The following PPARD variants were observed in gnomAD, a reference collection of about 807,000 sequenced individuals.
PPARD encodes peroxisome proliferator-activated receptor delta.
A neutral mutation model predicts 39.5 loss-of-function variants in PPARD; 6 were observed. The ratio of observed to expected loss-of-function variants is 0.15; its 90% CI spans 0.08 to 0.30. PPARD has a LOEUF of 0.30. PPARD is among the 10% of genes least tolerant of loss of function. The pLI is 1.00. For missense variants in PPARD, 397 were observed against 596.8 expected, an observed-to-expected ratio of 0.67 and a Z score of 3.49; for synonymous variants, 210 against 231.3, an observed-to-expected ratio of 0.91 and a Z score of 0.83.
At chr6:35,410,904 A>T (rs911871679) in intron 2 of PPARD, 83 bp from the exon 3 acceptor site, 6 of 1,247,078 alleles carry the variant, frequency 4.8e-6, no homozygotes, top group Non-Finnish European at 6.0e-6. Flanking sequence ...CCATGACAGC[A>T]GCCCCCAAGC....
Position 35,420,819 on chromosome 6 carries a change from C to CTTTTTTTT in PPARD, c.285+556_285+563dup, listed in dbSNP as rs35852986. Among the ~76,000 whole-genome samples, 340 of 85,712 alleles carry CTTTTTTTT rather than the reference C, an allele frequency of 4.0e-3. 12 individuals are homozygous for CTTTTTTTT. The highest frequency in any genetic ancestry group is 4.7e-3 in the Non-Finnish European group (223 of 47,096). The allele number at this position is 85,712 out of a possible 152,430, so 56.2% of individuals were successfully genotyped here. On this transcript the variant is annotated intron_variant, in intron 4 of 7. Coordinates refer to ENST00000360694, the MANE Select transcript of PPARD (RefSeq NM_006238.5). Reference sequence around the variant, plus strand: ...TTATGTTACCAAACTAACAAAGAAGCTTTTTTTTTTTTTTTTTTTTTTTTT... The same window carrying CTTTTTTTT: ...TTATGTTACCAAACTAACAAAGAAGCTTTTTTTTTTTTTTTTTTTTTTTTTTTTTTTTT...
rs927730905 is a variant in PPARD, at chr6:35,412,026, T to C, written c.130+809T>C. ...TCACTGCAACCTCTGCCTCCTGGGT[T>C]CAAGTGATTCTCCTGCCTCAGCCTC... On this transcript the variant is annotated intron_variant, in intron 3 of 7. Coordinates refer to ENST00000360694, the MANE Select transcript of PPARD (RefSeq NM_006238.5). This position sits in a 1 kb window ranked among gnomAD's most constrained non-coding sequence, Gnocchi z 4.1. 1.3e-5 allele frequency among the ~76,000 whole-genome samples: 2 copies of C among 152,210 alleles called. No homozygotes were observed. The highest frequency in any genetic ancestry group is 6.5e-5 in the Admixed American group (1 of 15,274).
chr6:35,387,148 A>G (rs1295929618), intron 2 of PPARD, among the ~76,000 whole-genome samples: 1 of 152,046 alleles, frequency 6.6e-6, no homozygotes, highest in Non-Finnish European at 1.5e-5. Context: ...CTACCAAGCA[A>G]AAGGTGGAGT....
chr6:35,361,840 G>A (rs1761941997), intron 2 of PPARD, among the ~76,000 whole-genome samples: 1 of 152,234 alleles, frequency 6.6e-6, no homozygotes, highest in Admixed American at 6.5e-5. Context: ...TGGGTGTTGG[G>A]CACGAGGTGA....
At chr6:35,397,752 T>C (rs1289111807) in intron 2 of PPARD, among the ~76,000 whole-genome samples, 1 of 152,078 alleles carries the variant, frequency 6.6e-6, no homozygotes. Context: ...ATATATACAC[T>C]CTGCCAGATA....
intron 1 of PPARD, among the ~76,000 whole-genome samples, chr6:35,343,994 C>A (rs1324978432): frequency 2.7e-5 from 4 of 147,498 alleles, no homozygotes; most frequent in Non-Finnish European, 5.9e-5. Flanking sequence ...TTTTTTTTTT[C>A]CCGTTTGAGT....
intron 2 of PPARD, among the ~76,000 whole-genome samples, chr6:35,362,239 G>T (rs1413991969): frequency 6.6e-6 from 1 of 151,984 alleles, no homozygotes; most frequent in Non-Finnish European, 1.5e-5. Flanking sequence ...GTGTCTGCTT[G>T]TCCTCCGACC....
intron 2 of PPARD, among the ~76,000 whole-genome samples, chr6:35,402,429 G>A (rs1026417657): frequency 1.3e-5 from 2 of 152,176 alleles, no homozygotes; most frequent in South Asian, 4.1e-4. Context: ...TACTGCAGGT[G>A]GGTGGGTGGG....
At chr6:35,371,966 G>T (rs537076698) in intron 2 of PPARD, among the ~76,000 whole-genome samples, 2 of 152,344 alleles carry the variant, frequency 1.3e-5, no homozygotes, top group East Asian at 3.9e-4. Context: ...GGTCAGACTT[G>T]CTAGGTTGTG....
At chr6:35,406,774 G>A (rs73413742) in intron 2 of PPARD, among the ~76,000 whole-genome samples, 9,292 of 152,186 alleles carry the variant, frequency 0.061, 714 homozygotes, top group African/African-American at 0.18. Context: ...CAGTTTTACC[G>A]GTTCTGGTGA....
Position 35,425,614 on chromosome 6 carries a change from G to A in PPARD, c.1079-218G>A, listed in dbSNP as rs776384470. Among the ~76,000 whole-genome samples, 1 of 152,180 alleles carries A rather than the reference G, an allele frequency of 6.6e-6. No individual in the cohort carries two copies. Among genetic ancestry groups the A allele is most frequent in the African/African-American group, 2.4e-5 (1 of 41,450 alleles). On this transcript the variant is annotated intron_variant, in intron 7 of 7. Transcript: ENST00000360694. This position sits in a 1 kb window ranked among gnomAD's most constrained non-coding sequence, Gnocchi z 4.5. ...CCACAATACTACGTTGCCTAATCGG[G>A]GGGGAGGTGGGGACAAATTGGCAAA...
intron 2 of PPARD, among the ~76,000 whole-genome samples, chr6:35,356,366 C>T (rs765748421): frequency 1.3e-5 from 2 of 152,168 alleles, no homozygotes; most frequent in Non-Finnish European, 1.5e-5. Context: ...CTGAGCAGGC[C>T]GCCCTGCATT....
At chr6:35,362,578 G>C (rs1311856050) in intron 2 of PPARD, among the ~76,000 whole-genome samples, 2 of 152,130 alleles carry the variant, frequency 1.3e-5, no homozygotes, top group Non-Finnish European at 2.9e-5. Flanking sequence ...ATATAGGAAG[G>C]GTAATGCCAG....
chr6:35,378,122 A>T (rs1204384500), intron 2 of PPARD, among the ~76,000 whole-genome samples: 2 of 151,932 alleles, frequency 1.3e-5, no homozygotes, highest in African/African-American at 4.8e-5. Flanking sequence ...TCGGCCTCCC[A>T]AAGTGCTGGG....
At position 35,427,595 on chromosome 6, in the gene PPARD, C is replaced by T. The variant is rs199579134; in HGVS notation, c.*1516C>T. 6.6e-6 allele frequency: 1 copy of T among 152,486 alleles called. No individual in the cohort carries two copies. Among genetic ancestry groups the T allele is most frequent in the Admixed American group, 6.5e-5 (1 of 15,282 alleles). 9.4% of individuals were successfully genotyped at this position (152,486 alleles called of 1,614,324 possible). On this transcript the variant is annotated 3_prime_UTR_variant, in exon 8 of 8. Transcript: ENST00000360694. ...CCAGTCCCACACCGCTGGTCCCTGC[C>T]CTCCCCTGCTCCCAGGTTGAGGTGC...
At chr6:35,384,846 C>T (rs1264066524) in intron 2 of PPARD, among the ~76,000 whole-genome samples, 1 of 72,280 alleles carries the variant, frequency 1.4e-5, no homozygotes, top group Non-Finnish European at 2.7e-5. Context: ...GGGGGGTCAG[C>T]CCCCCGCCTG....
At chr6:35,345,871 T>C (rs544445478) in intron 1 of PPARD, among the ~76,000 whole-genome samples, 1 of 150,806 alleles carries the variant, frequency 6.6e-6, no homozygotes, top group East Asian at 1.9e-4. Flanking sequence ...TCACTTTTTT[T>C]TCGTTTTTTT....
rs1279571584 is a variant in PPARD, at chr6:35,424,557, G to A, written c.856G>A (p.Val286Met). The change falls in exon 7 of 8, where the codon GTG becomes ATG. Residue 286 changes from valine (V) to methionine (M), a missense_variant. Val to Met is a conservative substitution (Grantham distance 21). Transcript: ENST00000360694. This position sits in a 1 kb window ranked among gnomAD's most constrained non-coding sequence, Gnocchi z 7.1. Reference sequence around the variant, plus strand: ...CCAGGTTACCCTTCTCAAGTATGGCGTGCACGAGGCCATCTTCGCCATGCT... The same window carrying A: ...CCAGGTTACCCTTCTCAAGTATGGCATGCACGAGGCCATCTTCGCCATGCT... Reference protein sequence around the residue: ...NDQVTLLKYGVHEAIFAMLAS... With the variant: ...NDQVTLLKYGMHEAIFAMLAS... The A allele has an allele frequency of 1.2e-6, 2 of 1,614,254 alleles. No individual in the cohort carries two copies. The highest frequency in any genetic ancestry group is 1.1e-5 in the South Asian group (1 of 91,086).
At chr6:35,413,476 A>G (rs887518763) in intron 3 of PPARD, among the ~76,000 whole-genome samples, 16 of 152,326 alleles carry the variant, frequency 1.1e-4, no homozygotes, top group Admixed American at 7.8e-4. Context: ...TCTACAAGAC[A>G]AGCAACCTAG....
Sources: gnomAD v4.1 joint callset for allele counts (sites outside exome capture counted in the v4.1 genomes callset) on GRCh38, gnomAD v4.1.1 for gene constraint, Gnocchi (gnomAD v3.1) non-coding constraint, MANE v1.5 for transcripts, NCBI Gene and HGNC (gene_info 2026-07-23, HGNC 2026-07-21) for gene names.